The following ST18 variants were observed in gnomAD, a reference collection of about 807,000 sequenced individuals.
The protein encoded by ST18 is ST18 C2H2C-type zinc finger transcription factor.
A neutral mutation model predicts 110.0 loss-of-function variants in ST18; 50 were observed. The observed-to-expected ratio is 0.45, with a 90% CI of 0.36 to 0.58. The LOEUF is 0.58. ST18 is among the 20% of genes least tolerant of loss of function. The pLI, the probability that ST18 is intolerant of heterozygous loss-of-function variation, is 0.00. For missense variants in ST18, 1,306 were observed against 1,280.1 expected (o/e 1.02, Z -0.31); for synonymous variants, 461 against 452.4 (o/e 1.02, Z -0.24).
chr8:52,336,643 T>C (rs1812214343), intron 2 of ST18, among the ~76,000 whole-genome samples: 2 of 152,196 alleles, frequency 1.3e-5, no homozygotes, highest in Non-Finnish European at 2.9e-5. Flanking sequence ...GTTTCCTCTA[T>C]TCCCAAGTGA....
intron 2 of ST18, among the ~76,000 whole-genome samples, chr8:52,352,068 C>T (rs1364444596): frequency 2.6e-5 from 4 of 152,222 alleles, no homozygotes; most frequent in African/African-American, 7.2e-5. Flanking sequence ...GAGTTGGAAA[C>T]CGGGTGGATG....
intron 2 of ST18, among the ~76,000 whole-genome samples, chr8:52,314,167 C>T (rs920784002): frequency 3.9e-5 from 6 of 152,184 alleles, no homozygotes; most frequent in Non-Finnish European, 8.8e-5. Context: ...CCCACTTGCT[C>T]GCCCTTTTGT....
intron 3 of ST18, among the ~76,000 whole-genome samples, chr8:52,228,561 C>T (rs528140504): frequency 3.3e-5 from 5 of 152,108 alleles, no homozygotes; most frequent in East Asian, 3.9e-4. Flanking sequence ...AATGGTGAGG[C>T]GGCACAGTAG....
At chr8:52,219,292 C>G (rs977816242) in intron 5 of ST18, among the ~76,000 whole-genome samples, 4 of 152,232 alleles carry the variant, frequency 2.6e-5, no homozygotes, top group Admixed American at 2.0e-4. Context: ...TGTTTTTTCT[C>G]TGTTCTTCCT....
chr8:52,253,788 G>T (rs77183457), intron 2 of ST18, among the ~76,000 whole-genome samples: 4,603 of 152,070 alleles, frequency 0.03, 125 homozygotes, highest in Admixed American at 0.073. Flanking sequence ...AGCAAAAAGT[G>T]TACTAAGTCT....
chr8:52,333,459 T>C (rs1244552985), intron 2 of ST18, among the ~76,000 whole-genome samples: 1 of 152,000 alleles, frequency 6.6e-6, no homozygotes, highest in Non-Finnish European at 1.5e-5. Context: ...AACCAATAGG[T>C]TGTAGTTTCA....
intron 8 of ST18, among the ~76,000 whole-genome samples, chr8:52,203,732 G>A (rs1047384778): frequency 1.6e-4 from 25 of 152,140 alleles, no homozygotes; most frequent in Admixed American, 1.3e-4. Flanking sequence ...AAAGAGATAG[G>A]CAGTCAAATA....
chr8:52,166,531 C>CT (rs1175550894), intron 11 of ST18, among the ~76,000 whole-genome samples: 1 of 152,194 alleles, frequency 6.6e-6, no homozygotes, highest in Non-Finnish European at 1.5e-5. Context: ...CTCTGGCCCA[C>CT]TGTCCGCACT....
chr8:52,208,466 CT>C (rs2080915746), intron 8 of ST18, among the ~76,000 whole-genome samples: 1 of 152,218 alleles, frequency 6.6e-6, no homozygotes, highest in Non-Finnish European at 1.5e-5. Context: ...TGAATCAGTA[CT>C]TTTCTCCCAA....
intron 2 of ST18, among the ~76,000 whole-genome samples, chr8:52,295,209 G>A (rs1192540474): frequency 6.6e-6 from 1 of 152,172 alleles, no homozygotes; most frequent in African/African-American, 2.4e-5. Flanking sequence ...AATAGACTTA[G>A]ATTGGAAATC....
intron 2 of ST18, among the ~76,000 whole-genome samples, chr8:52,244,005 T>C (rs1356412334): frequency 1.3e-5 from 2 of 152,172 alleles, no homozygotes; most frequent in East Asian, 1.9e-4. Context: ...CCTGTGATAA[T>C]GGCCTGTGTG....
At chr8:52,265,532 G>T (rs1021108823) in intron 2 of ST18, among the ~76,000 whole-genome samples, 30 of 152,258 alleles carry the variant, frequency 2.0e-4, no homozygotes, top group African/African-American at 7.2e-4. Flanking sequence ...GGCAGCTTAT[G>T]TTCTAGAAGG....
intron 2 of ST18, 23 bp from the exon 3 acceptor site, chr8:52,230,100 G>A (rs1384873962): frequency 3.3e-5 from 5 of 152,354 alleles, no homozygotes; most frequent in Non-Finnish European, 7.4e-5. Context: ...ATCGGAGGAG[G>A]AAAAATGGAA....
Position 52,250,445 on chromosome 8 carries a change from C to CAAAAAAAAAAAAAAAAAAAAAA in ST18, c.-464-20390_-464-20369dup, listed in dbSNP as rs1159770176. On this transcript the variant is annotated intron_variant, in intron 2 of 25. Coordinates refer to ENST00000689386, the MANE Select transcript of ST18 (RefSeq NM_001352837.2). ...TGACACTGTGGAAGAGCCTCAAAGG[C>CAAAAAAAAAAAAAAAAAAAAAA]AAAAAAAAAAAAAAAAAAAAAAAAA... is the stretch of plus-strand genomic sequence containing the variant. Among the ~76,000 whole-genome samples the CAAAAAAAAAAAAAAAAAAAAAA allele has an allele frequency of 1.4e-3, 6 of 4,280 alleles. 1 individual carries two copies. The highest frequency in any genetic ancestry group is 7.6e-3 in the East Asian group (1 of 132). The allele number at this position is 4,280 out of a possible 152,430, so 2.8% of individuals were successfully genotyped here.
chr8:52,243,078 T>C (rs1378451063), intron 2 of ST18, among the ~76,000 whole-genome samples: 3 of 152,190 alleles, frequency 2.0e-5, no homozygotes, highest in Non-Finnish European at 4.4e-5. Flanking sequence ...TTCGATCTAA[T>C]ATGTAGCATC....
intron 6 of ST18, among the ~76,000 whole-genome samples, chr8:52,215,332 C>T (rs1464504751): frequency 6.6e-6 from 1 of 152,200 alleles, no homozygotes; most frequent in Non-Finnish European, 1.5e-5. Flanking sequence ...CGACGCTCTC[C>T]AAGGTCCTGC....
chr8:52,119,226 T>C (rs2043717618), intron 23 of ST18, among the ~76,000 whole-genome samples: 1 of 152,200 alleles, frequency 6.6e-6, no homozygotes, highest in Non-Finnish European at 1.5e-5. Flanking sequence ...GCGCTAAACA[T>C]GCCACAGGCT....
intron 3 of ST18, chr8:52,222,111 T>C (rs952982619): frequency 5.3e-5 from 8 of 152,180 alleles, no homozygotes; most frequent in African/African-American, 1.4e-4. Context: ...TTTTGTCTAA[T>C]ACCCTATCGT....
At chr8:52,311,583 G>GACTCACAGT (rs1041431411) in intron 2 of ST18, among the ~76,000 whole-genome samples, 1 of 152,178 alleles carries the variant, frequency 6.6e-6, no homozygotes, top group Admixed American at 6.5e-5. Flanking sequence ...AGGATTAATT[G>GACTCACAGT]ACTCACAGTT....
Sources: allele counts gnomAD v4.1 joint callset (sites outside exome capture counted in the v4.1 genomes callset), GRCh38; gene constraint gnomAD v4.1.1; transcripts MANE v1.5; gene names NCBI Gene and HGNC (gene_info 2026-07-23, HGNC 2026-07-21).